ASCC3: variants seen among roughly 807,000 people sequenced by gnomAD.
The protein encoded by ASCC3 is ASC-1 complex subunit P200.
A neutral mutation model predicts 256.3 loss-of-function variants in ASCC3; 158 were observed. The observed-to-expected ratio is 0.62, with a 90% confidence interval of 0.54 to 0.70. The LOEUF is 0.70. Ranked by LOEUF, ASCC3 falls within the 30% of genes least tolerant of loss-of-function variation. The probability of loss-of-function intolerance (pLI) is 0.00; values close to 1 mark genes in which losing one functional copy is unlikely to be tolerated. For synonymous variants in ASCC3, 948 were observed against 883.4 expected (o/e 1.07, Z -1.30); for missense variants, 2,259 against 2,626.0 (o/e 0.86, Z 3.05).
At position 100,605,828 on chromosome 6, in the gene ASCC3, G is replaced by C. The variant is rs1772856739; in HGVS notation, c.5045-128C>G. 6 of 1,116,506 alleles carry C rather than the reference G, an allele frequency of 5.4e-6. No homozygotes were observed. The Admixed American group carries it at 1.2e-4, about 23-fold the overall frequency. The allele number at this position is 1,116,506 out of a possible 1,614,324, so 69.2% of individuals were successfully genotyped here. On this transcript the variant is annotated intron_variant, in intron 32 of 41. Transcript: ENST00000369162. ...AATAGAATATTGTGATAATATGTTT[G>C]CTATGTTGATGGCTACTACTACGTT...
chr6:100,741,892 C>T (rs577736024), intron 10 of ASCC3, among the ~76,000 whole-genome samples: 1 of 152,282 alleles, frequency 6.6e-6, no homozygotes, highest in African/African-American at 2.4e-5. Context: ...CAGTCTCAAA[C>T]CAGTTCTATG....
At chr6:100,541,320 T>C (rs1231429666) in intron 36 of ASCC3, among the ~76,000 whole-genome samples, 1 of 150,954 alleles carries the variant, frequency 6.6e-6, no homozygotes, top group African/African-American at 2.4e-5. Flanking sequence ...CAAAAACCTA[T>C]GAAACAGTGG....
At chr6:100,578,328 T>C (rs552531821) in intron 36 of ASCC3, among the ~76,000 whole-genome samples, 4 of 152,032 alleles carry the variant, frequency 2.6e-5, no homozygotes, top group African/African-American at 9.7e-5. Context: ...GTAAATTGTG[T>C]GTTGTGGTGG....
intron 25 of ASCC3, among the ~76,000 whole-genome samples, chr6:100,636,049 G>A (rs1236746386): frequency 6.6e-6 from 1 of 152,108 alleles, no homozygotes; most frequent in Non-Finnish European, 1.5e-5. Flanking sequence ...TTCAACTGGA[G>A]GACTACAAAG....
At chr6:100,650,495 T>C (rs1407634045) in intron 20 of ASCC3, 43 bp downstream of exon 20, 1 of 1,593,082 alleles carries the variant, frequency 6.3e-7, no homozygotes, top group Non-Finnish European at 8.6e-7. Flanking sequence ...GTCCTCTAAA[T>C]ATATTCAAGG....
At chr6:100,686,245 T>G (rs1239919403) in intron 13 of ASCC3, among the ~76,000 whole-genome samples, 1 of 152,186 alleles carries the variant, frequency 6.6e-6, no homozygotes, top group African/African-American at 2.4e-5. Context: ...ATGTTAGCAG[T>G]TGTTTATTAG....
intron 20 of ASCC3, among the ~76,000 whole-genome samples, chr6:100,648,766 T>A (rs564184619): frequency 1.3e-5 from 2 of 152,098 alleles, no homozygotes; most frequent in African/African-American, 4.8e-5. Flanking sequence ...TGAAAGTATG[T>A]CATTTTAATA....
intron 2 of ASCC3, among the ~76,000 whole-genome samples, chr6:100,865,405 C>T (rs1381609914): frequency 6.6e-6 from 1 of 152,070 alleles, no homozygotes; most frequent in African/African-American, 2.4e-5. Flanking sequence ...ATCTCTAATA[C>T]AGAGTAACTT....
At chr6:100,733,453 G>T (rs11964230) in intron 10 of ASCC3, among the ~76,000 whole-genome samples, 7,959 of 152,116 alleles carry the variant, frequency 0.052, 245 homozygotes, top group African/African-American at 0.074. Flanking sequence ...CAGTCAAAAA[G>T]AGCCTGGAAC....
In ASCC3 at chr6:100,627,596, A is replaced by G. The variant is rs747839635; in HGVS notation, c.4636T>C (p.Phe1546Leu). The change falls in exon 29 of 42, where the codon TTT (phenylalanine) becomes CTT (leucine). Residue 1546 changes from phenylalanine (F) to leucine (L), a missense_variant. Physicochemically the swap from Phe to Leu is conservative, Grantham distance 22. This residue lies in a region of ASCC3 where 1,839 missense variants were observed against 2,206.7 expected (regional missense o/e 0.83). Coordinates refer to ENST00000369162, the MANE Select transcript of ASCC3 (RefSeq NM_006828.4). ...PRMASMNKPAFQAIRSHSPAK... is the reference protein window; with the variant it reads ...PRMASMNKPALQAIRSHSPAK... The stretch of plus-strand genomic sequence containing the variant: ...CCAAGAATCTGAAGCTTACCCTGAA[A>G]TGCAGGCTTGTTCATACTAGCCATA... 3 of 1,613,334 alleles carry G rather than the reference A, an allele frequency of 1.9e-6. No homozygotes were observed. The South Asian group carries it at 3.3e-5, about 18-fold the overall frequency.
rs560862087 is a variant in ASCC3, at chr6:100,721,152, G to A, written c.1903-2901C>T. Among the ~76,000 whole-genome samples the A allele has an allele frequency of 7.3e-4, 111 of 151,536 alleles. 1 individual carries two copies. The highest frequency in any genetic ancestry group is 2.6e-3 in the African/African-American group (106 of 41,458). Reference sequence around the variant, plus strand: ...CAATCTGTTTTCTTTTTCTACTGGGGATGCTCAGGAAAGAAAGATGTACTA... The same window carrying A: ...CAATCTGTTTTCTTTTTCTACTGGGAATGCTCAGGAAAGAAAGATGTACTA... On this transcript the variant is annotated intron_variant, in intron 11 of 41. Coordinates refer to ENST00000369162, the MANE Select transcript of ASCC3 (RefSeq NM_006828.4).
At chr6:100,695,361 T>C (rs992282219) in intron 13 of ASCC3, among the ~76,000 whole-genome samples, 2 of 152,036 alleles carry the variant, frequency 1.3e-5, no homozygotes, top group African/African-American at 2.4e-5. Context: ...TTAATACAGA[T>C]GCAAAAATCA....
intron 11 of ASCC3, among the ~76,000 whole-genome samples, chr6:100,718,471 CAT>C (rs1378020452): frequency 2.0e-5 from 3 of 151,866 alleles, no homozygotes; most frequent in African/African-American, 7.3e-5. Flanking sequence ...TAAAAATACA[CAT>C]GAGGGGTGAG....
chr6:100,849,761 T>C (rs1322657135), intron 3 of ASCC3, among the ~76,000 whole-genome samples: 1 of 152,114 alleles, frequency 6.6e-6, no homozygotes, highest in East Asian at 1.9e-4. Context: ...CTATGTGACT[T>C]ACCTAAATAC....
chr6:100,686,986 C>T lies in ASCC3; in HGVS notation c.2152-7234G>A, dbSNP rs915315126. Among the ~76,000 whole-genome samples, 5 of 149,514 alleles carry T rather than the reference C, an allele frequency of 3.3e-5. No homozygotes were observed. In the East Asian group the frequency reaches 8.0e-4, roughly 24 times the overall value. On this transcript the variant is annotated intron_variant, in intron 13 of 41. Transcript: ENST00000369162. The stretch of plus-strand genomic sequence containing the variant: ...ACTTTTGGTATCTCTTCAATACAGA[C>T]GTAGTTCATTTTTTCTGTACTTAAA...
At chr6:100,651,704 A>G in intron 18 of ASCC3, 58 bp from the exon 19 acceptor site, 1 of 932,526 alleles carries the variant, frequency 1.1e-6, no homozygotes, top group Non-Finnish European at 1.5e-6. Flanking sequence ...ATTTTAAATT[A>G]AAAATGTGAC....
intron 37 of ASCC3, among the ~76,000 whole-genome samples, chr6:100,528,749 A>G (rs975270628): frequency 6.6e-6 from 1 of 152,222 alleles, no homozygotes; most frequent in African/African-American, 2.4e-5. Context: ...CCACCAGAAC[A>G]TAGCTCCTTA....
intron 10 of ASCC3, among the ~76,000 whole-genome samples, chr6:100,729,118 G>T (rs1043990996): frequency 6.6e-6 from 1 of 152,138 alleles, no homozygotes; most frequent in Non-Finnish European, 1.5e-5. Context: ...CTCACTGAAA[G>T]ACTGGTACTT....
rs563584505 is a variant in ASCC3, at chr6:100,621,571, T to G, written c.4785+3621A>C. 7.9e-5 allele frequency among the ~76,000 whole-genome samples: 12 copies of G among 152,216 alleles called. No homozygotes were observed. In the South Asian group the frequency reaches 2.3e-3, roughly 29 times the overall value. On this transcript the variant is annotated intron_variant, in intron 30 of 41. Coordinates refer to ENST00000369162, the MANE Select transcript of ASCC3 (RefSeq NM_006828.4). ...TCACATCAGTCAGAATGGCAATTAT[T>G]AAAAAGTCCAGAAACAATAGATGCA...
Sources: allele counts gnomAD v4.1 joint callset (sites outside exome capture counted in the v4.1 genomes callset), GRCh38; gene constraint gnomAD v4.1.1; regional missense constraint gnomAD v4.1.1; transcripts MANE v1.5; gene names NCBI Gene and HGNC (gene_info 2026-07-23, HGNC 2026-07-21).